Variants in CPB1 observed in about 807,000 individuals in gnomAD.
CPB1 encodes the protein carboxypeptidase B1.
CPB1 carries 53 observed loss-of-function variants against 51.4 expected under a neutral mutation model. The observed-to-expected ratio is 1.03, with a 90% CI of 0.83 to 1.30. The LOEUF (loss-of-function observed/expected upper bound fraction) is 1.30, where lower values mean the gene tolerates loss of function less well. Among genes scored for constraint, CPB1 ranks in the 50% most tolerant of loss-of-function variants. The pLI is 0.00. For synonymous variants in CPB1, 189 were observed against 186.9 expected (o/e 1.01, Z -0.09); for missense variants, 494 against 516.2 (o/e 0.96, Z 0.42).
chr3:148,841,992 C>A, intron 6 of CPB1, 68 bp downstream of exon 6: 1 of 1,188,472 alleles, frequency 8.4e-7, no homozygotes, highest in Non-Finnish European at 1.2e-6. Context: ...TTCCTTAAAA[C>A]CTAGAGAGAA....
intron 3 of CPB1, among the ~76,000 whole-genome samples, chr3:148,837,064 G>A (rs1450712215): frequency 6.6e-6 from 1 of 152,136 alleles, no homozygotes; most frequent in Non-Finnish European, 1.5e-5. Flanking sequence ...CAATGACAAA[G>A]TTTCACTCTT....
intron 9 of CPB1, among the ~76,000 whole-genome samples, chr3:148,852,974 T>C (rs1259934171): frequency 6.6e-6 from 1 of 152,224 alleles, no homozygotes; most frequent in Non-Finnish European, 1.5e-5. Context: ...TTCCTGCTTA[T>C]AGACCGTAAG....
chr3:148,842,586 A>G (rs1713116932), intron 6 of CPB1, among the ~76,000 whole-genome samples: 1 of 152,236 alleles, frequency 6.6e-6, no homozygotes, highest in Admixed American at 6.5e-5. Context: ...GAAGAATTAC[A>G]ACTAATATAT....
At chr3:148,857,581 C>A in intron 10 of CPB1, 40 bp downstream of exon 10, 2 of 1,518,072 alleles carry the variant, frequency 1.3e-6, no homozygotes, top group South Asian at 1.2e-5. Flanking sequence ...AACCATGTGC[C>A]TAAAAAGCCA....
intron 10 of CPB1, among the ~76,000 whole-genome samples, chr3:148,858,084 T>A (rs189190393): frequency 6.6e-6 from 1 of 152,222 alleles, no homozygotes; most frequent in African/African-American, 2.4e-5. Flanking sequence ...GGGCAATCTT[T>A]AAAGAACTAG....
intron 2 of CPB1, among the ~76,000 whole-genome samples, chr3:148,828,630 C>T (rs77422117): frequency 0.036 from 5,486 of 152,214 alleles, 327 homozygotes; most frequent in African/African-American, 0.13. Flanking sequence ...CATCTCTGTG[C>T]TAATTTTTTA....
At chr3:148,842,072 A>G in intron 6 of CPB1, 148 bp downstream of exon 6, 1 of 631,944 alleles carries the variant, frequency 1.6e-6, no homozygotes. Context: ...TTCCACCAAC[A>G]GACCTTTATA....
intron 3 of CPB1, chr3:148,838,125 A>G (rs1180333517): frequency 2.0e-5 from 3 of 152,146 alleles, no homozygotes; most frequent in Non-Finnish European, 4.4e-5. Context: ...GCGGGCACCT[A>G]TAGTCCCAGC....
chr3:148,829,582 C>A (rs1405908506), intron 2 of CPB1, among the ~76,000 whole-genome samples: 1 of 152,124 alleles, frequency 6.6e-6, no homozygotes, highest in Non-Finnish European at 1.5e-5. Flanking sequence ...TAAGATTTAT[C>A]TTGACAGCCT....
At chr3:148,832,166 C>G (rs1195344962) in intron 2 of CPB1, among the ~76,000 whole-genome samples, 1 of 152,086 alleles carries the variant, frequency 6.6e-6, no homozygotes, top group African/African-American at 2.4e-5. Context: ...TTAAAGAATC[C>G]ATAATTCTTG....
At chr3:148,839,679 G>A (rs1713019455) in intron 3 of CPB1, among the ~76,000 whole-genome samples, 1 of 152,194 alleles carries the variant, frequency 6.6e-6, no homozygotes, top group Non-Finnish European at 1.5e-5. Flanking sequence ...AAGGTTCAGA[G>A]GATGTCCCTG....
chr3:148,857,514 A>G lies in CPB1; in HGVS notation c.1039A>G (p.Thr347Ala). ...ELASLHGTKY[T>A]YGPGATTIYP... ...TGCCTCACTGCACGGCACCAAGTAC[A>G]CATATGGCCCGGGAGCTACAACAAT... Residue 347 changes from threonine to alanine, a missense_variant, in exon 10 of 11, where the codon ACA becomes GCA. Physicochemically the swap from Thr to Ala is moderately conservative, Grantham distance 58. Coordinates refer to ENST00000282957, the MANE Select transcript of CPB1 (RefSeq NM_001871.3). 1 of 1,613,996 alleles carries G rather than the reference A, an allele frequency of 6.2e-7. No individual in the cohort carries two copies. The highest frequency in any genetic ancestry group is 8.5e-7 in the Non-Finnish European group (1 of 1,179,898).
In CPB1 at chr3:148,860,147, C is replaced by T. The variant is rs978350826; in HGVS notation, c.*145C>T. On this transcript the variant is annotated 3_prime_UTR_variant, in exon 11 of 11. Transcript: ENST00000282957. ...GTCTATTAAACTAGGTAGATCTTTT[C>T]GTATTGATCATAATAAAAGTGAATC... 5 of 705,826 alleles carry T rather than the reference C, an allele frequency of 7.1e-6. No individual in the cohort carries two copies. The highest frequency in any genetic ancestry group is 5.8e-5 in the Admixed American group (2 of 34,350). 43.7% of individuals were successfully genotyped at this position (705,826 alleles called of 1,614,324 possible). A position where few individuals can be genotyped will look rare whatever the true frequency, so the allele number is the denominator to read the frequency against.
chr3:148,837,028 G>A (rs918929788), intron 3 of CPB1, among the ~76,000 whole-genome samples: 1 of 152,062 alleles, frequency 6.6e-6, no homozygotes, highest in African/African-American at 2.4e-5. Context: ...CAAAATGTGT[G>A]CAAAAAGAAA....
At chr3:148,843,183 A>G (rs1713137313) in intron 6 of CPB1, among the ~76,000 whole-genome samples, 1 of 152,186 alleles carries the variant, frequency 6.6e-6, no homozygotes, top group African/African-American at 2.4e-5. Flanking sequence ...AATAAAGTCT[A>G]CAGTTTAGTT....
chr3:148,854,125 T>C (rs1260702292), intron 9 of CPB1: 3 of 151,928 alleles, frequency 2.0e-5, no homozygotes, highest in Admixed American at 6.6e-5. Context: ...CCACTCTAAA[T>C]TGTAGCAAAT....
At chr3:148,841,022 C>T (rs766473462) in intron 5 of CPB1, 47 bp downstream of exon 5, 1 of 1,444,330 alleles carries the variant, frequency 6.9e-7, no homozygotes, top group South Asian at 1.2e-5. Flanking sequence ...GGCTTTAAAT[C>T]AATGAATTCT....
chr3:148,840,125 C>T (rs1389115120), intron 3 of CPB1, among the ~76,000 whole-genome samples: 1 of 152,090 alleles, frequency 6.6e-6, no homozygotes, highest in African/African-American at 2.4e-5. Context: ...TTTTTTAAAC[C>T]CATTCTTCTT....
intron 2 of CPB1, 93 bp downstream of exon 2, chr3:148,828,170 C>T (rs776669437): frequency 9.8e-7 from 1 of 1,015,992 alleles, no homozygotes; most frequent in Non-Finnish European, 1.5e-6. Flanking sequence ...GAAATATTAA[C>T]TATAGCATTT....
Sources: allele counts gnomAD v4.1 joint callset (sites outside exome capture counted in the v4.1 genomes callset), GRCh38; gene constraint gnomAD v4.1.1; transcripts MANE v1.5; gene names NCBI Gene and HGNC (gene_info 2026-07-23, HGNC 2026-07-21).